IQUB: variants seen among roughly 807,000 people sequenced by gnomAD.
IQUB encodes IQ motif and ubiquitin domain containing, also known as IQ motif and ubiquitin-like domain-containing protein.
A neutral mutation model predicts 86.4 loss-of-function variants in IQUB; 86 were observed. The observed-to-expected ratio is 1.00, with a 90% CI of 0.84 to 1.19. The LOEUF (loss-of-function observed/expected upper bound fraction) is 1.19, where lower values mean the gene tolerates loss of function less well. Among genes scored for constraint, IQUB ranks in the 50% most tolerant of loss-of-function variants. The pLI, the probability that IQUB is intolerant of heterozygous loss-of-function variation, is 0.00. For missense variants in IQUB, 946 were observed against 916.9 expected, an observed-to-expected ratio of 1.03 and a Z score of -0.41; for synonymous variants, 289 against 304.5, an observed-to-expected ratio of 0.95 and a Z score of 0.53.
At position 123,452,682 on chromosome 7, in the gene IQUB, C is replaced by T; in HGVS notation, c.*61G>A. ...ATTCCATTTCCATACTCTGTGACCT[C>T]TGTATTACCCTATTAGCAGTGAACA... is the stretch of plus-strand genomic sequence containing the variant. On this transcript the variant is annotated 3_prime_UTR_variant, in exon 13 of 13. Coordinates refer to ENST00000324698, the MANE Select transcript of IQUB (RefSeq NM_178827.5). The T allele has an allele frequency of 3.6e-6, 4 of 1,115,722 alleles. No homozygotes were observed. The highest frequency in any genetic ancestry group is 5.2e-6 in the Non-Finnish European group (4 of 775,818). The allele number at this position is 1,115,722 out of a possible 1,614,324, so 69.1% of individuals were successfully genotyped here.
intron 1 of IQUB, among the ~76,000 whole-genome samples, chr7:123,527,715 C>T (rs2117374733): frequency 6.6e-6 from 1 of 152,254 alleles, no homozygotes; most frequent in East Asian, 1.9e-4. Flanking sequence ...CTGCTCTCTT[C>T]AAAGCTGTCA....
Position 123,453,059 on chromosome 7 carries a change from T to C in IQUB, c.2194-134A>G. The C allele has an allele frequency of 4.5e-6, 3 of 664,524 alleles. No homozygotes were observed. In the South Asian group the frequency reaches 6.5e-5, roughly 14 times the overall value. 41.2% of individuals were successfully genotyped at this position (664,524 alleles called of 1,614,324 possible). ...ACCTTTATTTTTCTCACGTTGTCTATCATCATTCACGACTCAGCTCCTATG... is the reference window on the plus strand; with the variant it reads ...ACCTTTATTTTTCTCACGTTGTCTACCATCATTCACGACTCAGCTCCTATG... On this transcript the variant is annotated intron_variant, in intron 12 of 12. Coordinates refer to ENST00000324698, the MANE Select transcript of IQUB (RefSeq NM_178827.5).
At chr7:123,456,045 C>G in intron 12 of IQUB, among the ~76,000 whole-genome samples, 1 of 152,074 alleles carries the variant, frequency 6.6e-6, no homozygotes, top group East Asian at 1.9e-4. Flanking sequence ...ATATAAACTA[C>G]TCTTTAACTG....
At chr7:123,482,914 C>T (rs1482747853) in intron 7 of IQUB, among the ~76,000 whole-genome samples, 1 of 152,062 alleles carries the variant, frequency 6.6e-6, no homozygotes, top group Non-Finnish European at 1.5e-5. Flanking sequence ...TCTCCACAGA[C>T]ATGAAAGCAA....
chr7:123,527,796 G>A (rs1360807584), intron 1 of IQUB, among the ~76,000 whole-genome samples: 2 of 152,182 alleles, frequency 1.3e-5, no homozygotes, highest in Non-Finnish European at 2.9e-5. Flanking sequence ...CCCAGAGGTG[G>A]AGCCTACAGA....
Position 123,461,408 on chromosome 7 carries a change from G to A in IQUB, c.1956C>T (p.Tyr652=). The change falls in exon 11 of 13, where the codon TAC becomes TAT. Residue 652 remains tyrosine (Y), a synonymous_variant. Coordinates refer to ENST00000324698, the MANE Select transcript of IQUB (RefSeq NM_178827.5). ...LKYKCLLQQL[Y]YTEADYEDDS... The stretch of plus-strand genomic sequence containing the variant: ...CATCTTCATAATCAGCTTCTGTATA[G>A]TAGAGCTGTTGAAGTAAACATTTGT... 6.2e-7 allele frequency: 1 copy of A among 1,611,930 alleles called. No homozygotes were observed. Among genetic ancestry groups the A allele is most frequent in the East Asian group, 2.2e-5 (1 of 44,846 alleles).
chr7:123,456,622 T>C (rs1435781933), intron 12 of IQUB: 1 of 152,232 alleles, frequency 6.6e-6, no homozygotes, highest in East Asian at 1.9e-4. Flanking sequence ...TACTTTCCTT[T>C]AGCTGACACC....
intron 1 of IQUB, among the ~76,000 whole-genome samples, chr7:123,521,498 C>T (rs967288377): frequency 5.9e-5 from 9 of 152,072 alleles, no homozygotes; most frequent in South Asian, 2.1e-4. Context: ...CAAACTTAGC[C>T]GGGCATTGTA....
Position 123,511,937 on chromosome 7 carries a change from G to C in IQUB, c.397+7C>G. 1 of 1,584,212 alleles carries C rather than the reference G, an allele frequency of 6.3e-7. No homozygotes were observed. Among genetic ancestry groups the C allele is most frequent in the Non-Finnish European group, 8.6e-7 (1 of 1,158,560 alleles). ...AAATGAAATAGCCTATCTTCCTTAG[G>C]TAGTACCTGTTGCTAGAGAATCTTC... On this transcript the variant is annotated splice_region_variant and intron_variant, in intron 2 of 12. Transcript: ENST00000324698.
At chr7:123,452,977 G>C in intron 12 of IQUB, 52 bp from the exon 13 acceptor site, 1 of 1,432,620 alleles carries the variant, frequency 7.0e-7, no homozygotes, top group Non-Finnish European at 9.5e-7. Context: ...TATTTTGCCA[G>C]GTAAAAATAC....
rs1012066533 is a variant in IQUB at position 123,461,452 on chromosome 7, G to A, written c.1912C>T (p.Arg638Ter). 7.4e-6 allele frequency: 12 copies of A among 1,612,010 alleles called. No homozygotes were observed. Among genetic ancestry groups the A allele is most frequent in the Non-Finnish European group, 9.3e-6 (11 of 1,178,762 alleles). The change falls in exon 11 of 13, where the codon CGA becomes TGA. Residue 638 changes from arginine (R) to a stop codon, truncating the protein, a stop_gained. Transcript: ENST00000324698. LOFTEE classifies it high-confidence loss of function. ...CINLQNEAQK[R>*]ESFLKYKCLL... Reference sequence around the variant, plus strand: ...CATTTGTACTTCAAAAATGATTCTCGTTTTTGAGCCTCATTCTGAAGGTTA... The same window carrying A: ...CATTTGTACTTCAAAAATGATTCTCATTTTTGAGCCTCATTCTGAAGGTTA...
intron 9 of IQUB, among the ~76,000 whole-genome samples, chr7:123,468,320 C>A (rs1794353278): frequency 1.3e-5 from 2 of 152,296 alleles, no homozygotes; most frequent in South Asian, 2.1e-4. Context: ...ACACTAGGGG[C>A]TGCAGTTTTT....
At chr7:123,473,835 T>C (rs1182022554) in intron 8 of IQUB, among the ~76,000 whole-genome samples, 1 of 152,056 alleles carries the variant, frequency 6.6e-6, no homozygotes, top group Non-Finnish European at 1.5e-5. Flanking sequence ...TCCACCTGCG[T>C]TGGCCTCCCA....
chr7:123,461,071 CG>C (rs1171461504), intron 11 of IQUB, among the ~76,000 whole-genome samples: 3 of 150,262 alleles, frequency 2.0e-5, no homozygotes, highest in Admixed American at 6.7e-5. Flanking sequence ...TACTGTTATT[CG>C]TAAACACTAG....
intron 2 of IQUB, 116 bp from the exon 3 acceptor site, chr7:123,510,151 T>G: frequency 3.0e-6 from 2 of 656,922 alleles, no homozygotes; most frequent in East Asian, 2.7e-5. Flanking sequence ...AGAATACAAG[T>G]TGTTCTTGCT....
At chr7:123,486,210 T>A (rs1245044815) in intron 7 of IQUB, among the ~76,000 whole-genome samples, 2 of 152,082 alleles carry the variant, frequency 1.3e-5, no homozygotes, top group Non-Finnish European at 2.9e-5. Context: ...AAAGGAAAAA[T>A]TCAGATATAG....
At chr7:123,527,574 G>A (rs1043671924) in intron 1 of IQUB, among the ~76,000 whole-genome samples, 39 of 152,136 alleles carry the variant, frequency 2.6e-4, no homozygotes, top group Non-Finnish European at 4.9e-4. Context: ...GCACCCGGCC[G>A]TGTGAGGTGT....
intron 1 of IQUB, among the ~76,000 whole-genome samples, chr7:123,517,704 G>T (rs1416805002): frequency 6.6e-6 from 1 of 151,960 alleles, no homozygotes; most frequent in African/African-American, 2.4e-5. Flanking sequence ...ACCATCCATG[G>T]ACCAACAACA....
chr7:123,505,207 C>T (rs989051579), intron 3 of IQUB, among the ~76,000 whole-genome samples: 3 of 152,192 alleles, frequency 2.0e-5, no homozygotes, highest in African/African-American at 7.2e-5. Flanking sequence ...GGGCTCAGCT[C>T]GCATGGCTGC....
Sources: allele counts gnomAD v4.1 joint callset (sites outside exome capture counted in the v4.1 genomes callset), GRCh38; gene constraint gnomAD v4.1.1; transcripts MANE v1.5; gene names NCBI Gene and HGNC (gene_info 2026-07-23, HGNC 2026-07-21).